Variants in CSGALNACT1 observed in about 807,000 individuals in gnomAD.
CSGALNACT1 encodes chondroitin sulfate N-acetylgalactosaminyltransferase 1, also known as beta4GalNAcT-1.
Under a neutral mutation model 51.0 loss-of-function variants are expected in CSGALNACT1, and 52 were observed. The observed-to-expected ratio is 1.02, with a 90% CI of 0.82 to 1.29. CSGALNACT1 has a LOEUF of 1.29. Ranked by LOEUF, CSGALNACT1 falls within the 50% of genes most tolerant of loss-of-function variation. CSGALNACT1 has a pLI of 0.00. For synonymous variants in CSGALNACT1, 341 were observed against 254.4 expected, an observed-to-expected ratio of 1.34 and a Z score of -3.24; for missense variants, 935 against 679.2, an observed-to-expected ratio of 1.38 and a Z score of -4.19.
chr8:19,638,304 GA>G (rs1396401303), intron 1 of CSGALNACT1, among the ~76,000 whole-genome samples: 1 of 152,122 alleles, frequency 6.6e-6, no homozygotes, highest in Non-Finnish European at 1.5e-5. Context: ...CCAAAAAGCA[GA>G]GCGGAAAATG....
chr8:19,596,574 T>C (rs1362536467), intron 2 of CSGALNACT1, among the ~76,000 whole-genome samples: 3 of 150,280 alleles, frequency 2.0e-5, no homozygotes, highest in Admixed American at 6.6e-5. Context: ...TAACTGCAAA[T>C]ATAGGCCACA....
At chr8:19,490,348 C>T (rs1008600353) in intron 4 of CSGALNACT1, among the ~76,000 whole-genome samples, 2 of 152,212 alleles carry the variant, frequency 1.3e-5, no homozygotes, top group South Asian at 2.1e-4. Context: ...TTTAAAAAAA[C>T]AAAAGGCACT....
At chr8:19,569,890 C>CT (rs1279380886) in intron 3 of CSGALNACT1, among the ~76,000 whole-genome samples, 1 of 152,174 alleles carries the variant, frequency 6.6e-6, no homozygotes, top group East Asian at 1.9e-4. Context: ...CAAACTACTG[C>CT]TACATGCAGC....
intron 3 of CSGALNACT1, among the ~76,000 whole-genome samples, chr8:19,540,549 T>C (rs920307628): frequency 6.6e-6 from 1 of 152,226 alleles, no homozygotes; most frequent in Non-Finnish European, 1.5e-5. Context: ...TATGTATCAG[T>C]AAGAGACTGG....
intron 4 of CSGALNACT1, among the ~76,000 whole-genome samples, chr8:19,504,713 T>C (rs563504999): frequency 2.0e-5 from 3 of 152,252 alleles, no homozygotes; most frequent in African/African-American, 7.2e-5. Flanking sequence ...ACTTGTTAGC[T>C]GAGCAACTTT....
chr8:19,719,526 A>G (rs1048246101), intron 1 of CSGALNACT1, among the ~76,000 whole-genome samples: 2 of 152,202 alleles, frequency 1.3e-5, no homozygotes, highest in Non-Finnish European at 2.9e-5. Context: ...TCGTTTTCAG[A>G]AAAAAACAAC....
rs189046252 is a variant in CSGALNACT1 at position 19,667,565 on chromosome 8, C to T, written c.-544+14908G>A. 2.6e-5 allele frequency among the ~76,000 whole-genome samples: 4 copies of T among 152,112 alleles called. No individual in the cohort carries two copies. The East Asian group carries it at 7.7e-4, about 29-fold the overall frequency. Reference sequence around the variant, plus strand: ...TGAGAGAGTCAGTCGTGTTCCACCCCCTTTGAACCAAGGCTGATGAATTAT... The same window carrying T: ...TGAGAGAGTCAGTCGTGTTCCACCCTCTTTGAACCAAGGCTGATGAATTAT... On this transcript the variant is annotated intron_variant, in intron 1 of 9. Coordinates refer to the CSGALNACT1 transcript ENST00000332246.
chr8:19,466,230 C>G (rs6998060), intron 4 of CSGALNACT1, among the ~76,000 whole-genome samples: 55,832 of 152,102 alleles, frequency 0.37, 10,914 homozygotes, highest in African/African-American at 0.46. Context: ...GTGGTAAATA[C>G]TGTCAGGCAA....
chr8:19,478,571 G>A (rs182192713), intron 4 of CSGALNACT1, among the ~76,000 whole-genome samples: 204 of 152,280 alleles, frequency 1.3e-3, no homozygotes, highest in African/African-American at 4.3e-3. Flanking sequence ...TGATTTCAAT[G>A]ATTCCATAAT....
intron 1 of CSGALNACT1, among the ~76,000 whole-genome samples, chr8:19,654,969 C>T (rs1250592801): frequency 1.3e-5 from 2 of 151,992 alleles, no homozygotes; most frequent in Non-Finnish European, 2.9e-5. Flanking sequence ...CTAAAATCAC[C>T]TGATGGTAGA....
chr8:19,561,649 C>G (rs946961801), intron 3 of CSGALNACT1, among the ~76,000 whole-genome samples: 2 of 152,196 alleles, frequency 1.3e-5, no homozygotes, highest in African/African-American at 4.8e-5. Context: ...AAGGGGAAAA[C>G]AAGTACATGG....
At chr8:19,555,461 C>T (rs1329896771) in intron 3 of CSGALNACT1, among the ~76,000 whole-genome samples, 1 of 152,058 alleles carries the variant, frequency 6.6e-6, no homozygotes, top group Non-Finnish European at 1.5e-5. Context: ...GCTATAACTC[C>T]CAAACTTTTC....
intron 2 of CSGALNACT1, among the ~76,000 whole-genome samples, chr8:19,598,330 A>T (rs962825909): frequency 6.6e-6 from 1 of 152,244 alleles, no homozygotes; most frequent in Non-Finnish European, 1.5e-5. Flanking sequence ...ATGGTGGCCC[A>T]GGAGTATAAA....
intron 1 of CSGALNACT1, among the ~76,000 whole-genome samples, chr8:19,618,084 G>C (rs1000067512): frequency 2.0e-5 from 3 of 150,864 alleles, no homozygotes; most frequent in African/African-American, 4.9e-5. Context: ...TCACTACATC[G>C]CCCAGGCTGG....
intron 8 of CSGALNACT1, among the ~76,000 whole-genome samples, chr8:19,412,760 T>C (rs1450290193): frequency 6.6e-6 from 1 of 152,040 alleles, no homozygotes; most frequent in Non-Finnish European, 1.5e-5. Context: ...GTCAATTACA[T>C]AGCAGTTTCT....
intron 1 of CSGALNACT1, among the ~76,000 whole-genome samples, chr8:19,644,529 G>C (rs2057068561): frequency 6.6e-6 from 1 of 151,082 alleles, no homozygotes; most frequent in Non-Finnish European, 1.5e-5. Context: ...GGCCAACATG[G>C]TAAAACCCCA....
At chr8:19,409,410 G>A (rs920388918) in intron 8 of CSGALNACT1, among the ~76,000 whole-genome samples, 3 of 152,062 alleles carry the variant, frequency 2.0e-5, no homozygotes, top group Non-Finnish European at 4.4e-5. Flanking sequence ...TCCAGACACT[G>A]CCCAGTCTCT....
chr8:19,492,155 T>C (rs2074481028), intron 4 of CSGALNACT1, among the ~76,000 whole-genome samples: 1 of 152,242 alleles, frequency 6.6e-6, no homozygotes, highest in South Asian at 2.1e-4. Flanking sequence ...AGGATTTAAG[T>C]AACAAAATGC....
chr8:19,495,821 T>C (rs898537573), intron 4 of CSGALNACT1, among the ~76,000 whole-genome samples: 1 of 152,182 alleles, frequency 6.6e-6, no homozygotes, highest in Non-Finnish European at 1.5e-5. Flanking sequence ...CTTCAGCCAG[T>C]GCTGTGTCTC....
Sources: gnomAD v4.1 joint callset for allele counts (sites outside exome capture counted in the v4.1 genomes callset) on GRCh38, gnomAD v4.1.1 for gene constraint, MANE v1.5 for transcripts, NCBI Gene and HGNC (gene_info 2026-07-23, HGNC 2026-07-21) for gene names.